Variants in GFRA3 observed in about 807,000 individuals in gnomAD.
The protein encoded by GFRA3 is GDNF family receptor alpha-3.
GFRA3 carries 24 observed loss-of-function variants against 40.0 expected under a neutral mutation model. That is an observed-to-expected ratio of 0.60 (90% CI 0.43 to 0.84). GFRA3 has a LOEUF of 0.84. Ranked by LOEUF, GFRA3 falls within the 40% of genes least tolerant of loss-of-function variation. The pLI is 0.00. For synonymous variants in GFRA3, 203 were observed against 213.5 expected (o/e 0.95, Z 0.43); for missense variants, 405 against 530.6 (o/e 0.76, Z 2.33).
At position 138,259,622 on chromosome 5, in the gene GFRA3, T is replaced by C. The variant is rs369392264; in HGVS notation, c.407A>G (p.Tyr136Cys). 30 of 1,518,654 alleles carry C rather than the reference T, an allele frequency of 2.0e-5. No homozygotes were observed. The highest frequency in any genetic ancestry group is 5.6e-5 in the South Asian group (5 of 89,104). The allele number at this position is 1,518,654 out of a possible 1,614,324, so 94.1% of individuals were successfully genotyped here. ...LGNYELDVSP[Y>C]EDTVTSKPWK... Reference sequence around the variant, plus strand: ...GGGTTTGCTGGTCACTGTGTCTTCATAGGGGGAGACATCCAGCTCATAGTT... The same window carrying C: ...GGGTTTGCTGGTCACTGTGTCTTCACAGGGGGAGACATCCAGCTCATAGTT... Residue 136 changes from tyrosine (Y) to cysteine (C), a missense_variant, in exon 3 of 8, where the codon TAT (tyrosine) becomes TGT (cysteine). Coordinates refer to ENST00000274721, the MANE Select transcript of GFRA3 (RefSeq NM_001496.4).
At chr5:138,266,949 TA>T (rs1359350708) in intron 1 of GFRA3, 1 of 152,352 alleles carries the variant, frequency 6.6e-6, no homozygotes, top group East Asian at 1.9e-4. Flanking sequence ...TCCAAAGTGC[TA>T]GGATTACAAG....
Position 138,274,160 on chromosome 5 carries a change from G to A in GFRA3, c.91+174C>T, listed in dbSNP as rs117447272. ...CTATCTCAGTTCGTACACTGTGTTA[G>A]GTGTGACCCCAGCCCCTTGCAGGCA... On this transcript the variant is annotated intron_variant, in intron 1 of 7. Coordinates refer to ENST00000274721, the MANE Select transcript of GFRA3 (RefSeq NM_001496.4). Among the ~76,000 whole-genome samples the A allele has an allele frequency of 5.4e-4, 83 of 152,324 alleles. 1 individual carries two copies. In the East Asian group the frequency reaches 0.016, roughly 29 times the overall value.
At chr5:138,260,727 C>A (rs1190628134) in intron 2 of GFRA3, among the ~76,000 whole-genome samples, 2 of 151,924 alleles carry the variant, frequency 1.3e-5, no homozygotes, top group Admixed American at 1.3e-4. Flanking sequence ...CAAGATCATG[C>A]CACTGCACTC....
chr5:138,256,134 G>T lies in GFRA3; in HGVS notation c.785+1505C>A, dbSNP rs557604829. ...TAATCCCAGCTACTTGGGAGGCTGAGGGGGGAGTATCCCTTGAAACCAGGA... is the reference window on the plus strand; with the variant it reads ...TAATCCCAGCTACTTGGGAGGCTGATGGGGGAGTATCCCTTGAAACCAGGA... On this transcript the variant is annotated intron_variant, in intron 4 of 7. Transcript: ENST00000274721. Among the ~76,000 whole-genome samples the T allele has an allele frequency of 3.4e-4, 52 of 151,736 alleles. No homozygotes were observed. The South Asian group carries it at 7.1e-3, about 21-fold the overall frequency.
chr5:138,263,022 T>C (rs1755733523), intron 2 of GFRA3, among the ~76,000 whole-genome samples: 1 of 152,188 alleles, frequency 6.6e-6, no homozygotes. Flanking sequence ...TAGAGTGCAG[T>C]GGCGCAATCT....
intron 6 of GFRA3, 116 bp downstream of exon 6, chr5:138,253,650 T>C: frequency 1.1e-6 from 1 of 940,632 alleles, no homozygotes; most frequent in Admixed American, 2.3e-5. Flanking sequence ...TGCTAGGAAC[T>C]GCTCTGTTTG....
chr5:138,257,979 G>A (rs760670544), intron 3 of GFRA3, 28 bp from the exon 4 acceptor site: 6 of 1,598,480 alleles, frequency 3.8e-6, no homozygotes, highest in Admixed American at 1.7e-5. Flanking sequence ...GGAGTCAGTC[G>A]GCTGGGCCCT....
chr5:138,265,206 CTTTTTTTTT>C (rs56317441), intron 1 of GFRA3, among the ~76,000 whole-genome samples: 3 of 50,584 alleles, frequency 5.9e-5, no homozygotes, highest in African/African-American at 1.5e-4. Context: ...TCTAGGAGAA[CTTTTTTTTT>C]TTTTTTTTTT....
chr5:138,264,645 C>A, intron 1 of GFRA3, 97 bp from the exon 2 acceptor site: 1 of 809,264 alleles, frequency 1.2e-6, no homozygotes, highest in Non-Finnish European at 2.0e-6. Flanking sequence ...CCTGATGAAA[C>A]TTTGTGAAAG....
chr5:138,266,161 T>C (rs1755779697), intron 1 of GFRA3, among the ~76,000 whole-genome samples: 1 of 152,234 alleles, frequency 6.6e-6, no homozygotes, highest in Non-Finnish European at 1.5e-5. Flanking sequence ...TTTGAACACC[T>C]GTTTTTTGTT....
chr5:138,264,507 G>A lies in GFRA3; in HGVS notation c.133C>T (p.Leu45Phe). 6.2e-7 allele frequency: 1 copy of A among 1,612,658 alleles called. No homozygotes were observed. Among genetic ancestry groups the A allele is most frequent in the Non-Finnish European group, 8.5e-7 (1 of 1,179,118 alleles). The change falls in exon 2 of 8, where the codon CTC becomes TTC. Residue 45 changes from leucine to phenylalanine, a missense_variant. By Grantham distance (22) the Leu-to-Phe change is conservative. Coordinates refer to ENST00000274721, the MANE Select transcript of GFRA3 (RefSeq NM_001496.4). ...GCCTGGCACTTCCTCCTGGCCTGGA[G>A]ACAGCTGTTCATGAGTCGGCTTTCT... ...PTESRLMNSC[L>F]QARRKCQADP...
At chr5:138,262,494 C>T (rs1755726130) in intron 2 of GFRA3, among the ~76,000 whole-genome samples, 1 of 152,070 alleles carries the variant, frequency 6.6e-6, no homozygotes, top group African/African-American at 2.4e-5. Context: ...GCTCTGTCAC[C>T]CAGGCTGGAG....
At chr5:138,256,584 A>G (rs540067546) in intron 4 of GFRA3, among the ~76,000 whole-genome samples, 3 of 152,086 alleles carry the variant, frequency 2.0e-5, no homozygotes, top group African/African-American at 7.2e-5. Context: ...AAACCTAAAT[A>G]TCTAGCAATA....
rs10036665 is a variant in GFRA3 at position 138,252,460 on chromosome 5, T to C, written c.*508A>G. The stretch of plus-strand genomic sequence containing the variant: ...TAGGAATAAAGCAAGGCCCACAGGC[T>C]CCAGCTCCTGATGCCCAGATGTTCG... On this transcript the variant is annotated 3_prime_UTR_variant, in exon 8 of 8. Coordinates refer to ENST00000274721, the MANE Select transcript of GFRA3 (RefSeq NM_001496.4). 6.5e-6 allele frequency: 1 copy of C among 154,084 alleles called. No homozygotes were observed. The highest frequency in any genetic ancestry group is 2.0e-4 in the South Asian group (1 of 4,900). The allele number at this position is 154,084 out of a possible 1,614,324, so 9.5% of individuals were successfully genotyped here.
intron 1 of GFRA3, among the ~76,000 whole-genome samples, chr5:138,268,409 C>A (rs1478459650): frequency 8.6e-6 from 1 of 116,076 alleles, no homozygotes; most frequent in African/African-American, 3.2e-5. Context: ...AAAGCAAATG[C>A]AAAAAAAAAA....
chr5:138,257,407 A>AT (rs977688321), intron 4 of GFRA3, among the ~76,000 whole-genome samples: 7 of 152,218 alleles, frequency 4.6e-5, no homozygotes, highest in African/African-American at 1.2e-4. Context: ...ATTTTTAATG[A>AT]TTTTTTAAAA....
chr5:138,271,073 A>G (rs1238201977), intron 1 of GFRA3, among the ~76,000 whole-genome samples: 1 of 151,800 alleles, frequency 6.6e-6, no homozygotes, highest in African/African-American at 2.4e-5. Context: ...GCTCACTGCA[A>G]CCTCTGCCTC....
At chr5:138,263,749 T>C (rs1755742970) in intron 2 of GFRA3, among the ~76,000 whole-genome samples, 1 of 152,202 alleles carries the variant, frequency 6.6e-6, no homozygotes, top group Admixed American at 6.5e-5. Flanking sequence ...TACAGCAACA[T>C]AGTCCGGTAA....
intron 7 of GFRA3, 53 bp downstream of exon 7, chr5:138,253,234 T>C (rs1755574594): frequency 7.9e-7 from 1 of 1,264,432 alleles, no homozygotes; most frequent in African/African-American, 1.5e-5. Flanking sequence ...TAGTTTGGGT[T>C]TTCCCCAGCC....
Sources: allele counts gnomAD v4.1 joint callset (sites outside exome capture counted in the v4.1 genomes callset), GRCh38; gene constraint gnomAD v4.1.1; transcripts MANE v1.5; gene names NCBI Gene and HGNC (gene_info 2026-07-23, HGNC 2026-07-21).